Variants in GRB10 observed in about 807,000 individuals in gnomAD.
GRB10 encodes the protein growth factor receptor-bound protein 10.
In GRB10, 20 loss-of-function variants were observed where a neutral mutation model predicts 80.9. The observed-to-expected ratio is 0.25, with a 90% CI of 0.17 to 0.36. GRB10 has a LOEUF of 0.36. GRB10 is among the 10% of genes least tolerant of loss of function. The pLI is 1.00. For synonymous variants in GRB10, 291 were observed against 291.5 expected, an observed-to-expected ratio of 1.00 and a Z score of 0.02; for missense variants, 548 against 747.7, an observed-to-expected ratio of 0.73 and a Z score of 3.12.
At chr7:50,663,458 T>C (rs1388260386) in intron 7 of GRB10, among the ~76,000 whole-genome samples, 1 of 152,206 alleles carries the variant, frequency 6.6e-6, no homozygotes, top group Non-Finnish European at 1.5e-5. Context: ...GTCCCTCCAC[T>C]TGGGATGAGT....
intron 13 of GRB10, 139 bp from the exon 14 acceptor site, chr7:50,606,553 G>A: frequency 1.4e-6 from 1 of 717,076 alleles, no homozygotes; most frequent in Non-Finnish European, 2.6e-6. Context: ...GAGCCTGAGT[G>A]CCGCTGACCC....
At chr7:50,730,330 G>A (rs1423320064) in intron 4 of GRB10, among the ~76,000 whole-genome samples, 1 of 152,312 alleles carries the variant, frequency 6.6e-6, no homozygotes, top group East Asian at 1.9e-4. Context: ...ACTGCTGCAA[G>A]TGAACAGCTA....
At chr7:50,752,659 CTG>C (rs2074317094) in intron 3 of GRB10, among the ~76,000 whole-genome samples, 1 of 152,136 alleles carries the variant, frequency 6.6e-6, no homozygotes, top group Non-Finnish European at 1.5e-5. Context: ...AGTTGCCCTC[CTG>C]TGTGAGTAAG....
intron 3 of GRB10, among the ~76,000 whole-genome samples, chr7:50,742,851 G>GA (rs996043287): frequency 6.6e-6 from 1 of 151,954 alleles, no homozygotes; most frequent in Non-Finnish European, 1.5e-5. Flanking sequence ...AAATATTGGG[G>GA]AAAAAATTCA....
intron 2 of GRB10, chr7:50,779,088 C>A (rs1211975445): frequency 6.6e-6 from 1 of 152,120 alleles, no homozygotes; most frequent in African/African-American, 2.4e-5. Context: ...ATTCTTGGTA[C>A]AAAAATTCTT....
chr7:50,633,092 G>A (rs369329415), intron 7 of GRB10, among the ~76,000 whole-genome samples: 1 of 152,182 alleles, frequency 6.6e-6, no homozygotes, highest in East Asian at 1.9e-4. Context: ...AACTGCAAGC[G>A]CCACCTACTG....
chr7:50,594,989 C>G (rs917365117), intron 18 of GRB10, among the ~76,000 whole-genome samples: 6 of 152,194 alleles, frequency 3.9e-5, no homozygotes, highest in African/African-American at 1.4e-4. Context: ...CAGCAGCCAA[C>G]AGGCAATCCT....
chr7:50,691,546 A>C (rs899248993), intron 5 of GRB10, among the ~76,000 whole-genome samples: 3 of 152,238 alleles, frequency 2.0e-5, no homozygotes, highest in Non-Finnish European at 4.4e-5. Flanking sequence ...GAAGTCACTT[A>C]AACATGTAAG....
chr7:50,665,928 G>C (rs1010879020), intron 7 of GRB10, among the ~76,000 whole-genome samples: 6 of 152,158 alleles, frequency 3.9e-5, no homozygotes, highest in Non-Finnish European at 8.8e-5. Flanking sequence ...CGCCAACCCA[G>C]ATGACTCAGG....
intron 2 of GRB10, among the ~76,000 whole-genome samples, chr7:50,762,624 G>C (rs1562647868): frequency 1.3e-5 from 2 of 152,158 alleles, no homozygotes; most frequent in South Asian, 4.1e-4. Context: ...TGCTCAGTAA[G>C]ATCCCACGGT....
chr7:50,733,090 G>A (rs954624339), intron 3 of GRB10, among the ~76,000 whole-genome samples: 2 of 152,098 alleles, frequency 1.3e-5, no homozygotes, highest in Non-Finnish European at 2.9e-5. Context: ...CTTTAAACAC[G>A]TCACTAAGTT....
chr7:50,764,590 G>A (rs2076134392), intron 2 of GRB10, among the ~76,000 whole-genome samples: 1 of 152,214 alleles, frequency 6.6e-6, no homozygotes, highest in Non-Finnish European at 1.5e-5. Flanking sequence ...TGGTCTGTGG[G>A]AGGCAGCTGT....
intron 5 of GRB10, among the ~76,000 whole-genome samples, chr7:50,700,441 GTT>G: frequency 6.6e-6 from 1 of 152,134 alleles, no homozygotes; most frequent in Non-Finnish European, 1.5e-5. Flanking sequence ...TGTGCTACAG[GTT>G]TGCTGTTATG....
At chr7:50,789,818 T>C (rs1480027646) in intron 1 of GRB10, among the ~76,000 whole-genome samples, 1 of 152,226 alleles carries the variant, frequency 6.6e-6, no homozygotes, top group Non-Finnish European at 1.5e-5. Context: ...ACCACTCATT[T>C]CTACCTCTGA....
intron 1 of GRB10, chr7:50,781,318 CAG>C (rs200721545): frequency 1.3e-5 from 2 of 152,370 alleles, no homozygotes; most frequent in East Asian, 1.9e-4. Flanking sequence ...TCTGGAGTGA[CAG>C]AGAGAAAGAA....
In GRB10 at chr7:50,592,741, T is replaced by A. The variant is rs6967874; in HGVS notation, c.*211A>T. The A allele has an allele frequency of 1.0e-5, 6 of 598,670 alleles. No homozygotes were observed. Among genetic ancestry groups the A allele is most frequent in the Non-Finnish European group, 1.8e-5 (6 of 334,772 alleles). The allele number at this position is 598,670 out of a possible 1,614,324, so 37.1% of individuals were successfully genotyped here. ...TCCATGCCCTCCCCAATTTGGCCGA[T>A]GCAGAGGGAGGCGACCCTGCTGGGT... is the stretch of plus-strand genomic sequence containing the variant. On this transcript the variant is annotated 3_prime_UTR_variant, in exon 19 of 19. Transcript: ENST00000401949.
intron 5 of GRB10, among the ~76,000 whole-genome samples, chr7:50,678,818 C>T (rs1374778999): frequency 1.3e-5 from 2 of 152,168 alleles, no homozygotes; most frequent in Non-Finnish European, 2.9e-5. Context: ...AAATTCTTGT[C>T]TGGTCCCATG....
intron 1 of GRB10, among the ~76,000 whole-genome samples, chr7:50,789,362 T>C (rs2153716664): frequency 6.6e-6 from 1 of 152,350 alleles, no homozygotes; most frequent in East Asian, 1.9e-4. Flanking sequence ...GCATGAGCTC[T>C]GCATCGTGCC....
chr7:50,654,111 T>G (rs769822244), intron 7 of GRB10, among the ~76,000 whole-genome samples: 19 of 152,192 alleles, frequency 1.2e-4, no homozygotes, highest in Non-Finnish European at 2.4e-4. Flanking sequence ...CAACCCCCTT[T>G]GCACAGTGTG....
Sources: gnomAD v4.1 joint callset for allele counts (sites outside exome capture counted in the v4.1 genomes callset) on GRCh38, gnomAD v4.1.1 for gene constraint, MANE v1.5 for transcripts, NCBI Gene and HGNC (gene_info 2026-07-23, HGNC 2026-07-21) for gene names.